The following GRIK3 variants were observed in gnomAD, a reference collection of about 807,000 sequenced individuals.
The protein encoded by GRIK3 is glutamate receptor ionotropic, kainate 3.
In GRIK3, 29 loss-of-function variants were observed where a neutral mutation model predicts 102.5. That is an observed-to-expected ratio of 0.28 (90% confidence interval 0.21 to 0.39). The LOEUF (loss-of-function observed/expected upper bound fraction) is 0.39, where lower values mean the gene tolerates loss of function less well. GRIK3 is among the 10% of genes least tolerant of loss of function. GRIK3 has a pLI of 1.00. For synonymous variants in GRIK3, 511 were observed against 504.9 expected, an observed-to-expected ratio of 1.01 and a Z score of -0.16; for missense variants, 908 against 1,252.4, an observed-to-expected ratio of 0.73 and a Z score of 4.15.
At chr1:36,981,508 T>A (rs1642247429) in intron 1 of GRIK3, among the ~76,000 whole-genome samples, 1 of 152,334 alleles carries the variant, frequency 6.6e-6, no homozygotes, top group African/African-American at 2.4e-5. Context: ...CACAGTAAGA[T>A]GGAGATCCTT....
intron 1 of GRIK3, among the ~76,000 whole-genome samples, chr1:37,029,562 A>G (rs1235336442): frequency 6.6e-6 from 1 of 152,200 alleles, no homozygotes; most frequent in African/African-American, 2.4e-5. Context: ...GTCTCCTGCT[A>G]AAAGAACCCC....
chr1:36,819,836 C>G lies in GRIK3; in HGVS notation c.1773G>C (p.Trp591Cys), dbSNP rs748748514. 2 of 1,577,224 alleles carry G rather than the reference C, an allele frequency of 1.3e-6. No homozygotes were observed. Among genetic ancestry groups the G allele is most frequent in the African/African-American group, 2.7e-5 (2 of 74,310 alleles). Residue 591 changes from tryptophan (W) to cysteine (C), a missense_variant, in exon 12 of 16, where the codon TGG becomes TGC. Around this residue, in one of 3 missense-constraint regions of GRIK3, gnomAD observed 585 missense variants for 824.9 expected, o/e 0.71. Transcript: ENST00000373091. This position sits in a 1 kb window ranked among gnomAD's most constrained non-coding sequence, Gnocchi z 4.1. ...FVIARFSPYE[W>C]YDAHPCNPGS... ...CAGGGTTGCAGGGGTGAGCATCGTA[C>G]CACTCATAAGGGCTGAACCTGCCAC... is the stretch of plus-strand genomic sequence containing the variant.
intron 1 of GRIK3, among the ~76,000 whole-genome samples, chr1:36,985,247 T>G (rs186889641): frequency 1.6e-3 from 249 of 152,184 alleles, no homozygotes; most frequent in African/African-American, 5.3e-3. Context: ...GGGGCTGGGG[T>G]TGCTACTTTG....
In GRIK3 at chr1:36,995,809, G is replaced by A. The variant is rs543214886; in HGVS notation, c.115+38185C>T. On this transcript the variant is annotated intron_variant, in intron 1 of 15. Coordinates refer to ENST00000373091, the MANE Select transcript of GRIK3 (RefSeq NM_000831.4). ...CTCCCGTGTCCTCTGAGCTTCAAAA[G>A]TTCAGGCTGCATCCTTCCCAGACCT... is the stretch of plus-strand genomic sequence containing the variant. 6.6e-5 allele frequency among the ~76,000 whole-genome samples: 10 copies of A among 152,274 alleles called. No homozygotes were observed. The South Asian group carries it at 1.9e-3, about 28-fold the overall frequency.
chr1:36,896,920 A>C (rs1388133454), intron 1 of GRIK3, among the ~76,000 whole-genome samples: 1 of 152,232 alleles, frequency 6.6e-6, no homozygotes, highest in Non-Finnish European at 1.5e-5. Context: ...GAATCAATGC[A>C]GAAGCAGCAT....
At chr1:36,815,602 C>G (rs1231732980) in intron 13 of GRIK3, among the ~76,000 whole-genome samples, 1 of 152,194 alleles carries the variant, frequency 6.6e-6, no homozygotes, top group African/African-American at 2.4e-5. Context: ...CTAATCATTT[C>G]TGGGAAACCT....
At chr1:36,903,516 G>A (rs1641253424) in intron 1 of GRIK3, among the ~76,000 whole-genome samples, 1 of 152,246 alleles carries the variant, frequency 6.6e-6, no homozygotes, top group African/African-American at 2.4e-5. Flanking sequence ...GCCTGCACAT[G>A]GATGTGTATA....
intron 1 of GRIK3, among the ~76,000 whole-genome samples, chr1:37,019,145 C>T (rs1642684142): frequency 1.3e-5 from 2 of 152,172 alleles, no homozygotes; most frequent in African/African-American, 2.4e-5. Context: ...GGTACTAACC[C>T]CTTCCTTTAG....
intron 10 of GRIK3, among the ~76,000 whole-genome samples, chr1:36,832,338 G>A (rs886466168): frequency 3.9e-5 from 6 of 152,162 alleles, no homozygotes; most frequent in Admixed American, 6.5e-5. Flanking sequence ...GGCACCCAGC[G>A]AGCGTGTCCT....
rs370337631 is a variant in GRIK3 at position 37,006,027 on chromosome 1, G to A, written c.115+27967C>T. Among the ~76,000 whole-genome samples the A allele has an allele frequency of 5.2e-4, 79 of 152,300 alleles. No individual in the cohort carries two copies. The South Asian group carries it at 0.015, about 29-fold the overall frequency. On this transcript the variant is annotated intron_variant, in intron 1 of 15. Coordinates refer to ENST00000373091, the MANE Select transcript of GRIK3 (RefSeq NM_000831.4). ...GCTAGCCTGAAAGGGGATAAGGCCC[G>A]GAGTTAAGGAGGATGCTGTAGCCAC... is the stretch of plus-strand genomic sequence containing the variant.
At chr1:36,875,467 G>A (rs796359535) in intron 3 of GRIK3, among the ~76,000 whole-genome samples, 16 of 152,300 alleles carry the variant, frequency 1.1e-4, no homozygotes, top group African/African-American at 3.9e-4. Context: ...CCCTCCAATT[G>A]GGCTCACCCA....
At chr1:36,831,294 CT>C (rs1640291142) in intron 10 of GRIK3, among the ~76,000 whole-genome samples, 1 of 152,230 alleles carries the variant, frequency 6.6e-6, no homozygotes, top group African/African-American at 2.4e-5. Context: ...TTCACGTTGC[CT>C]GGCTTGGGAG....
intron 9 of GRIK3, among the ~76,000 whole-genome samples, chr1:36,848,127 G>A (rs780937337): frequency 6.6e-6 from 1 of 152,208 alleles, no homozygotes; most frequent in Non-Finnish European, 1.5e-5. Context: ...CTCTGCTTAT[G>A]TAGCAAAAAT....
At chr1:36,974,827 T>C (rs746027666) in intron 1 of GRIK3, among the ~76,000 whole-genome samples, 1 of 148,736 alleles carries the variant, frequency 6.7e-6, no homozygotes, top group Non-Finnish European at 1.5e-5. Flanking sequence ...AAAAAAGGAA[T>C]GCCATTCTGA....
intron 2 of GRIK3, among the ~76,000 whole-genome samples, chr1:36,889,075 G>A (rs1447029507): frequency 1.3e-5 from 2 of 151,978 alleles, no homozygotes; most frequent in African/African-American, 4.8e-5. Context: ...AAGACACGGG[G>A]GCTTGCAGAC....
At chr1:36,976,952 C>T (rs746724383) in intron 1 of GRIK3, among the ~76,000 whole-genome samples, 12 of 152,260 alleles carry the variant, frequency 7.9e-5, no homozygotes, top group Admixed American at 4.6e-4. Flanking sequence ...CAGCATCTGG[C>T]ACAGAACAGC....
chr1:36,884,416 C>T (rs557985575), intron 2 of GRIK3, among the ~76,000 whole-genome samples: 1 of 152,210 alleles, frequency 6.6e-6, no homozygotes, highest in African/African-American at 2.4e-5. Flanking sequence ...CCCATTCGTG[C>T]TATTCTTCTG....
rs1180016635 is a variant in GRIK3, at chr1:36,801,693, C to G, written c.*158G>C. The G allele has an allele frequency of 1.8e-6, 1 of 542,758 alleles. No individual in the cohort carries two copies. 33.6% of individuals were successfully genotyped at this position (542,758 alleles called of 1,614,324 possible). ...CCCAAGCAGCTGGCCTGAGAGCCTG[C>G]TGGCTTCCTGGCAGGTAAGGGCAGG... On this transcript the variant is annotated 3_prime_UTR_variant, in exon 16 of 16. Transcript: ENST00000373091.
chr1:36,920,991 C>A (rs1641461617), intron 1 of GRIK3, among the ~76,000 whole-genome samples: 1 of 152,164 alleles, frequency 6.6e-6, no homozygotes. Flanking sequence ...TGGGAATCAC[C>A]CTCTGCTGGG....
Sources: allele counts gnomAD v4.1 joint callset (sites outside exome capture counted in the v4.1 genomes callset), GRCh38; gene constraint gnomAD v4.1.1; regional missense constraint gnomAD v4.1.1; non-coding constraint Gnocchi (gnomAD v3.1); transcripts MANE v1.5; gene names NCBI Gene and HGNC (gene_info 2026-07-23, HGNC 2026-07-21).